The following CDC42SE2 variants were observed in gnomAD, a reference collection of about 807,000 sequenced individuals.
The protein encoded by CDC42SE2 is CDC42 small effector 2.
Under a neutral mutation model 11.5 loss-of-function variants are expected in CDC42SE2, and 3 were observed. That is an observed-to-expected ratio of 0.26 (90% CI 0.12 to 0.67). The LOEUF (loss-of-function observed/expected upper bound fraction) is 0.67, where lower values mean the gene tolerates loss of function less well. Among genes scored for constraint, CDC42SE2 ranks in the 30% least tolerant of loss-of-function variants. The probability of loss-of-function intolerance (pLI) is 0.80; values close to 1 mark genes in which losing one functional copy is unlikely to be tolerated. For missense variants in CDC42SE2, 82 were observed against 106.8 expected, an observed-to-expected ratio of 0.77 and a Z score of 1.02; for synonymous variants, 33 against 34.8, an observed-to-expected ratio of 0.95 and a Z score of 0.18.
intron 3 of CDC42SE2, among the ~76,000 whole-genome samples, chr5:131,363,136 CTA>C (rs569248603): frequency 7.7e-4 from 115 of 150,228 alleles, no homozygotes; most frequent in South Asian, 6.5e-3. Context: ...GGGCAAGACT[CTA>C]TCTAAAAAAA....
chr5:131,247,788 C>T (rs1160988542), intron 1 of CDC42SE2, among the ~76,000 whole-genome samples: 1 of 151,940 alleles, frequency 6.6e-6, no homozygotes, highest in Non-Finnish European at 1.5e-5. Flanking sequence ...ATTATAAGCA[C>T]AACAAGCCCA....
chr5:131,259,993 T>A (rs1756710066), upstream of CDC42SE2, among the ~76,000 whole-genome samples: 2 of 152,270 alleles, frequency 1.3e-5, no homozygotes, highest in Non-Finnish European at 2.9e-5. Flanking sequence ...TTATGAGCCA[T>A]TTTCTCAGTA....
intron 2 of CDC42SE2, among the ~76,000 whole-genome samples, chr5:131,347,920 G>GA (rs1445572586): frequency 1.3e-5 from 2 of 152,178 alleles, no homozygotes; most frequent in African/African-American, 2.4e-5. Flanking sequence ...AATAGATGCA[G>GA]AAAAGGCCTT....
chr5:131,386,244 C>G lies in CDC42SE2; in HGVS notation c.156+600C>G, dbSNP rs577029448. Among the ~76,000 whole-genome samples, 26 of 152,304 alleles carry G rather than the reference C, an allele frequency of 1.7e-4. No homozygotes were observed. The South Asian group carries it at 5.4e-3, about 32-fold the overall frequency. On this transcript the variant is annotated intron_variant, in intron 4 of 4. Transcript: ENST00000505065. ...GCAGTTCGCAATAGGGTTTGTGCTC[C>G]TATGAGAATCCCATGCCATCACTGA...
chr5:131,266,611 C>T (rs528310711), intron 1 of CDC42SE2, among the ~76,000 whole-genome samples: 1 of 151,984 alleles, frequency 6.6e-6, no homozygotes, highest in Non-Finnish European at 1.5e-5. Flanking sequence ...AGACATGCGC[C>T]ACTATGCCCT....
At chr5:131,219,132 T>A in the CDC42SE2 span, among the ~76,000 whole-genome samples, 7 of 151,768 alleles carry the variant, frequency 4.6e-5, no homozygotes, top group African/African-American at 1.7e-4. Flanking sequence ...CTTTTATTTG[T>A]TATAAGAAAA....
At chr5:131,280,664 C>T (rs142379575) in intron 1 of CDC42SE2, among the ~76,000 whole-genome samples, 2 of 152,130 alleles carry the variant, frequency 1.3e-5, no homozygotes, top group African/African-American at 4.8e-5. Flanking sequence ...TGATGAAAAC[C>T]ATTCAGGATT....
intron 3 of CDC42SE2, among the ~76,000 whole-genome samples, chr5:131,366,148 C>A (rs1749851108): frequency 6.6e-6 from 1 of 152,142 alleles, no homozygotes; most frequent in Non-Finnish European, 1.5e-5. Context: ...CTGACTATTG[C>A]TATTTTCTTG....
chr5:131,339,358 TGAGA>T (rs1316491634), intron 2 of CDC42SE2, among the ~76,000 whole-genome samples: 1 of 146,834 alleles, frequency 6.8e-6, no homozygotes, highest in African/African-American at 2.5e-5. Flanking sequence ...CAGTCCAACA[TGAGA>T]GAGAGTCAGA....
intron 2 of CDC42SE2, among the ~76,000 whole-genome samples, chr5:131,351,968 T>C (rs1759023308): frequency 6.6e-6 from 1 of 152,150 alleles, no homozygotes; most frequent in Admixed American, 6.5e-5. Context: ...TGACTGAATT[T>C]AAAAATGGGC....
intron 2 of CDC42SE2, among the ~76,000 whole-genome samples, chr5:131,319,794 G>T (rs1046166914): frequency 2.0e-5 from 3 of 152,046 alleles, no homozygotes; most frequent in African/African-American, 7.2e-5. Context: ...GCTCACGCCT[G>T]TAATCCCAGC....
At chr5:131,282,605 A>G (rs1331634833) in intron 1 of CDC42SE2, among the ~76,000 whole-genome samples, 2 of 151,558 alleles carry the variant, frequency 1.3e-5, no homozygotes, top group Non-Finnish European at 2.9e-5. Context: ...CCTAATTGAG[A>G]TAATTCACAT....
In CDC42SE2 at chr5:131,275,192, A is replaced by G. The variant is rs76886640; in HGVS notation, c.-455+11026A>G. On this transcript the variant is annotated intron_variant, in intron 1 of 4. Transcript: ENST00000505065. ...AGTAGGGTGACAGCACCTTAAAAAA[A>G]CCTATTTTGGGCTTGCGCTATTTTT... Among the ~76,000 whole-genome samples the G allele has an allele frequency of 6.1e-3, 926 of 152,256 alleles. 6 individuals carry two copies. The highest frequency in any genetic ancestry group is 0.02 in the African/African-American group (831 of 41,546).
intron 1 of CDC42SE2, among the ~76,000 whole-genome samples, chr5:131,265,429 G>A (rs1756839135): frequency 1.3e-5 from 2 of 152,106 alleles, no homozygotes; most frequent in Non-Finnish European, 2.9e-5. Context: ...TGCTTTTTGA[G>A]CAAGGGAGAA....
In CDC42SE2 at chr5:131,393,220, A is replaced by G. The variant is rs908218218; in HGVS notation, c.*2129A>G. Reference sequence around the variant, plus strand: ...GGAATAAAGGAACAGGGATCACTTTATCTTCTGCCTTCATTTACCTTAGTC... The same window carrying G: ...GGAATAAAGGAACAGGGATCACTTTGTCTTCTGCCTTCATTTACCTTAGTC... On this transcript the variant is annotated 3_prime_UTR_variant, in exon 5 of 5. Coordinates refer to ENST00000505065, the MANE Select transcript of CDC42SE2 (RefSeq NM_001375635.1). 3.9e-5 allele frequency: 6 copies of G among 152,386 alleles called. No individual in the cohort carries two copies. The highest frequency in any genetic ancestry group is 8.8e-5 in the Non-Finnish European group (6 of 68,034). The allele number at this position is 152,386 out of a possible 1,614,324, so 9.4% of individuals were successfully genotyped here. A position where few individuals can be genotyped will look rare whatever the true frequency, so the allele number is the denominator to read the frequency against.
chr5:131,223,126 G>T, the CDC42SE2 span, among the ~76,000 whole-genome samples: 1 of 152,250 alleles, frequency 6.6e-6, no homozygotes, highest in East Asian at 1.9e-4. Context: ...ATAGAAAATT[G>T]TTTTCTCCCC....
the CDC42SE2 span, among the ~76,000 whole-genome samples, chr5:131,212,632 C>T: frequency 1.3e-5 from 2 of 152,190 alleles, no homozygotes; most frequent in Non-Finnish European, 2.9e-5. Context: ...CCCTAATTAC[C>T]TCCAGGACTA....
At chr5:131,289,365 G>C (rs1009645371) in intron 1 of CDC42SE2, among the ~76,000 whole-genome samples, 1 of 152,128 alleles carries the variant, frequency 6.6e-6, no homozygotes, top group Non-Finnish European at 1.5e-5. Context: ...ATAAAGCAAG[G>C]AGTCATGTCA....
At chr5:131,293,715 A>G (rs112016727) in intron 1 of CDC42SE2, among the ~76,000 whole-genome samples, 1,818 of 152,330 alleles carry the variant, frequency 0.012, 14 homozygotes, top group Non-Finnish European at 0.018. Context: ...TTGTTATAGC[A>G]GCCTGAACAG....
Sources: allele counts gnomAD v4.1 joint callset (sites outside exome capture counted in the v4.1 genomes callset), GRCh38; gene constraint gnomAD v4.1.1; transcripts MANE v1.5; gene names NCBI Gene and HGNC (gene_info 2026-07-23, HGNC 2026-07-21).